Variants in NXPH1 observed in about 807,000 individuals in gnomAD.
The protein encoded by NXPH1 is neurexophilin 1, also known as neurexophilin-1.
NXPH1 carries 5 observed loss-of-function variants against 23.7 expected under a neutral mutation model. The ratio of observed to expected loss-of-function variants is 0.21; its 90% CI spans 0.11 to 0.44. The LOEUF (loss-of-function observed/expected upper bound fraction) is 0.44, where lower values mean the gene tolerates loss of function less well. Ranked by LOEUF, NXPH1 falls within the 20% of genes least tolerant of loss-of-function variation. The probability of loss-of-function intolerance (pLI) is 0.99; values close to 1 mark genes in which losing one functional copy is unlikely to be tolerated. For missense variants in NXPH1, 324 were observed against 321.6 expected, an observed-to-expected ratio of 1.01 and a Z score of -0.06; for synonymous variants, 144 against 122.2, an observed-to-expected ratio of 1.18 and a Z score of -1.18.
chr7:8,504,956 T>C lies in NXPH1; in HGVS notation c.54+69189T>C, dbSNP rs552504492. On this transcript the variant is annotated intron_variant, in intron 2 of 2. Coordinates refer to ENST00000405863, the MANE Select transcript of NXPH1 (RefSeq NM_152745.3). ...GTTGTTTGAACCACCTTGTCTATGG[T>C]ATTCTGTTGTAGCAGCCCAAACTTA... is the stretch of plus-strand genomic sequence containing the variant. Among the ~76,000 whole-genome samples, 6 of 152,190 alleles carry C rather than the reference T, an allele frequency of 3.9e-5. No homozygotes were observed. The South Asian group carries it at 1.2e-3, about 32-fold the overall frequency.
intron 2 of NXPH1, among the ~76,000 whole-genome samples, chr7:8,478,652 T>C (rs2128609511): frequency 6.6e-6 from 1 of 152,204 alleles, no homozygotes; most frequent in Non-Finnish European, 1.5e-5. Flanking sequence ...TAGTGAAATA[T>C]GTAGCTGAGA....
At chr7:8,694,703 T>G (rs1435279761) in intron 2 of NXPH1, among the ~76,000 whole-genome samples, 1 of 152,232 alleles carries the variant, frequency 6.6e-6, no homozygotes, top group Non-Finnish European at 1.5e-5. Context: ...CTTTACAATT[T>G]ATCTCATTCT....
Position 8,520,018 on chromosome 7 carries a change from AT to A in NXPH1, c.54+84253del, listed in dbSNP as rs1817744973. Among the ~76,000 whole-genome samples the A allele has an allele frequency of 3.9e-5, 6 of 152,218 alleles. No individual in the cohort carries two copies. The South Asian group carries it at 1.2e-3, about 32-fold the overall frequency. On this transcript the variant is annotated intron_variant, in intron 2 of 2. Coordinates refer to ENST00000405863, the MANE Select transcript of NXPH1 (RefSeq NM_152745.3). ...ATCTCCATCATAATGTTTATAAAAAATTATTTATATAAAGATGATGCATAAT... is the reference window on the plus strand; with the variant it reads ...ATCTCCATCATAATGTTTATAAAAAATATTTATATAAAGATGATGCATAAT...
At chr7:8,505,471 A>T (rs12531703) in intron 2 of NXPH1, among the ~76,000 whole-genome samples, 1 of 152,132 alleles carries the variant, frequency 6.6e-6, no homozygotes, top group Admixed American at 6.5e-5. Flanking sequence ...AATAAATAAT[A>T]GACCTCAACA....
intron 2 of NXPH1, among the ~76,000 whole-genome samples, chr7:8,616,482 G>T (rs1819741091): frequency 6.6e-6 from 1 of 151,992 alleles, no homozygotes; most frequent in African/African-American, 2.4e-5. Context: ...AACATCATGG[G>T]ATCAGGAGGT....
intron 2 of NXPH1, among the ~76,000 whole-genome samples, chr7:8,504,138 C>T (rs1420547953): frequency 6.6e-6 from 1 of 152,024 alleles, no homozygotes; most frequent in Non-Finnish European, 1.5e-5. Context: ...TTAGATGTCC[C>T]TCTTTCCACA....
At chr7:8,589,502 T>TA (rs1454788119) in intron 2 of NXPH1, among the ~76,000 whole-genome samples, 2 of 152,004 alleles carry the variant, frequency 1.3e-5, no homozygotes, top group African/African-American at 4.8e-5. Context: ...AAGAGTGGTT[T>TA]CTGAGGGAGT....
intron 2 of NXPH1, among the ~76,000 whole-genome samples, chr7:8,497,264 A>T (rs1285765346): frequency 1.3e-5 from 2 of 152,102 alleles, no homozygotes; most frequent in Admixed American, 6.6e-5. Flanking sequence ...TCTATCATTG[A>T]TGGACATTTG....
chr7:8,678,450 G>A (rs2349775), intron 2 of NXPH1, among the ~76,000 whole-genome samples: 122,626 of 152,160 alleles, frequency 0.81, 50,093 homozygotes, highest in East Asian at 1. Flanking sequence ...TCTCATTTAC[G>A]GTCCTTTTGC....
At chr7:8,551,457 T>C (rs1013708138) in intron 2 of NXPH1, among the ~76,000 whole-genome samples, 1 of 151,468 alleles carries the variant, frequency 6.6e-6, no homozygotes, top group Non-Finnish European at 1.5e-5. Context: ...AAGATTTAGG[T>C]GAAACAAATA....
chr7:8,619,625 C>G (rs1267868145), intron 2 of NXPH1, among the ~76,000 whole-genome samples: 1 of 152,058 alleles, frequency 6.6e-6, no homozygotes, highest in Non-Finnish European at 1.5e-5. Flanking sequence ...AACTATGAAG[C>G]AAAATAATAG....
intron 2 of NXPH1, among the ~76,000 whole-genome samples, chr7:8,449,763 G>T (rs994941588): frequency 6.6e-5 from 10 of 152,196 alleles, no homozygotes; most frequent in Non-Finnish European, 1.2e-4. Context: ...TCAATTAAGA[G>T]TTCTTTTTTT....
intron 2 of NXPH1, among the ~76,000 whole-genome samples, chr7:8,500,862 A>T (rs1817419714): frequency 6.6e-6 from 1 of 152,084 alleles, no homozygotes; most frequent in Non-Finnish European, 1.5e-5. Flanking sequence ...ACATGTGATC[A>T]ATGGTTAAAT....
chr7:8,445,376 T>C (rs577665606), intron 2 of NXPH1, among the ~76,000 whole-genome samples: 1 of 152,294 alleles, frequency 6.6e-6, no homozygotes, highest in Non-Finnish European at 1.5e-5. Context: ...TATGGTAAAG[T>C]GCAGTATGAT....
At chr7:8,588,401 A>C (rs867699627) in intron 2 of NXPH1, among the ~76,000 whole-genome samples, 8 of 152,164 alleles carry the variant, frequency 5.3e-5, no homozygotes, top group African/African-American at 1.7e-4. Flanking sequence ...TTAAAACTGC[A>C]CTGGGATATC....
At chr7:8,741,427 C>T (rs1160964259) in intron 2 of NXPH1, among the ~76,000 whole-genome samples, 1 of 152,064 alleles carries the variant, frequency 6.6e-6, no homozygotes, top group Non-Finnish European at 1.5e-5. Flanking sequence ...AGTGGGATTG[C>T]TGGATCAAAT....
rs187079766 is a variant in NXPH1, at chr7:8,742,592, T to C, written c.55-8416T>C. ...GTTAATTGGAAAATATATAATGTAA[T>C]TTATAAAATAGACACCATGTATGTA... is the stretch of plus-strand genomic sequence containing the variant. On this transcript the variant is annotated intron_variant, in intron 2 of 2. Coordinates refer to ENST00000405863, the MANE Select transcript of NXPH1 (RefSeq NM_152745.3). Among the ~76,000 whole-genome samples the C allele has an allele frequency of 6.5e-4, 77 of 118,338 alleles. No homozygotes were observed. The Middle Eastern group carries it at 0.02, about 30-fold the overall frequency. The allele number at this position is 118,338 out of a possible 152,430, so 77.6% of individuals were successfully genotyped here.
At chr7:8,693,945 C>G (rs1260946527) in intron 2 of NXPH1, among the ~76,000 whole-genome samples, 1 of 152,180 alleles carries the variant, frequency 6.6e-6, no homozygotes, top group African/African-American at 2.4e-5. Context: ...GTTTCTATTA[C>G]TTATGTAATC....
intron 2 of NXPH1, among the ~76,000 whole-genome samples, chr7:8,632,342 T>A (rs1420128176): frequency 6.6e-6 from 1 of 152,212 alleles, no homozygotes; most frequent in Non-Finnish European, 1.5e-5. Context: ...ATACGTTGAT[T>A]GCAATTTACT....
Sources: allele counts gnomAD v4.1 joint callset (sites outside exome capture counted in the v4.1 genomes callset), GRCh38; gene constraint gnomAD v4.1.1; transcripts MANE v1.5; gene names NCBI Gene and HGNC (gene_info 2026-07-23, HGNC 2026-07-21).